The following PAPSS1 variants were observed in gnomAD, a reference collection of about 807,000 sequenced individuals.
PAPSS1 encodes the protein bifunctional 3'-phosphoadenosine 5'-phosphosulfate synthase 1.
In PAPSS1, 50 loss-of-function variants were observed where a neutral mutation model predicts 72.0. That is an observed-to-expected ratio of 0.69 (90% CI 0.55 to 0.88). The LOEUF (loss-of-function observed/expected upper bound fraction) is 0.88. Ranked by LOEUF, PAPSS1 falls within the 40% of genes least tolerant of loss-of-function variation. PAPSS1 has a pLI of 0.00. For synonymous variants in PAPSS1, 261 were observed against 263.6 expected (o/e 0.99, Z 0.09); for missense variants, 657 against 782.2 (o/e 0.84, Z 1.91).
At chr4:107,700,446 T>C (rs1319776024) in intron 2 of PAPSS1, among the ~76,000 whole-genome samples, 1 of 152,236 alleles carries the variant, frequency 6.6e-6, no homozygotes, top group African/African-American at 2.4e-5. Context: ...TCAAAGGCCA[T>C]AGCAAAAGCT....
chr4:107,623,261 C>A (rs2110297249), intron 11 of PAPSS1, among the ~76,000 whole-genome samples: 1 of 150,348 alleles, frequency 6.7e-6, no homozygotes, highest in East Asian at 1.9e-4. Context: ...TGCAGGTCTG[C>A]TTCTGCTGAC....
chr4:107,656,543 G>A (rs1178089167), intron 7 of PAPSS1, among the ~76,000 whole-genome samples: 2 of 152,200 alleles, frequency 1.3e-5, no homozygotes, highest in African/African-American at 4.8e-5. Flanking sequence ...CTCAAGCATG[G>A]GCTTCAGTAC....
At chr4:107,625,790 C>T (rs957568285) in intron 11 of PAPSS1, among the ~76,000 whole-genome samples, 2 of 152,146 alleles carry the variant, frequency 1.3e-5, no homozygotes, top group Admixed American at 6.5e-5. Context: ...ACCACAGGAA[C>T]GGATGACCTC....
Position 107,617,021 on chromosome 4 carries a change from T to C in PAPSS1, c.1737-2634A>G, listed in dbSNP as rs148704688. 1.8e-4 allele frequency among the ~76,000 whole-genome samples: 27 copies of C among 152,234 alleles called. No individual in the cohort carries two copies. In the Middle Eastern group the frequency reaches 0.017, roughly 96 times the overall value. ...TTTCCACCATCTTCCTTATCACAGT[T>C]CACTGAGTCTAGCTATGAGCTTGTG... On this transcript the variant is annotated intron_variant, in intron 11 of 11. Coordinates refer to ENST00000265174, the MANE Select transcript of PAPSS1 (RefSeq NM_005443.5).
At position 107,636,521 on chromosome 4, in the gene PAPSS1, C is replaced by T. The variant is rs6847400; in HGVS notation, c.1507-4661G>A. Among the ~76,000 whole-genome samples the T allele has an allele frequency of 9.4e-3, 1,429 of 152,032 alleles. 26 individuals carry two copies. Among genetic ancestry groups the T allele is most frequent in the African/African-American group, 0.031 (1,289 of 41,432 alleles). ...GCAGAAGCGTGCAACTCAAGGAAGA[C>T]GAGGAATGAGAGTGATGGGAAGTAT... On this transcript the variant is annotated intron_variant, in intron 10 of 11. Transcript: ENST00000265174.
At chr4:107,717,027 C>G (rs1010194104) in intron 1 of PAPSS1, among the ~76,000 whole-genome samples, 1 of 151,882 alleles carries the variant, frequency 6.6e-6, no homozygotes, top group African/African-American at 2.4e-5. Flanking sequence ...ATGTTATCCA[C>G]ATGTCCCTAC....
intron 10 of PAPSS1, among the ~76,000 whole-genome samples, chr4:107,635,115 T>C (rs1428159137): frequency 6.6e-6 from 1 of 152,198 alleles, no homozygotes; most frequent in African/African-American, 2.4e-5. Context: ...GACATATTTT[T>C]AAAGTTTTTT....
chr4:107,634,797 A>ATTTTTTTTTTTTTTT (rs3083966), intron 10 of PAPSS1, among the ~76,000 whole-genome samples: 1 of 116,010 alleles, frequency 8.6e-6, no homozygotes, highest in African/African-American at 3.6e-5. Context: ...TATTCTAGAC[A>ATTTTTTTTTTTTTTT]TTTTTTTTTT....
intron 2 of PAPSS1, among the ~76,000 whole-genome samples, chr4:107,698,984 C>A (rs1411559483): frequency 6.6e-6 from 1 of 151,858 alleles, no homozygotes; most frequent in Non-Finnish European, 1.5e-5. Flanking sequence ...CCATCCCGTC[C>A]CAATTGAGGA....
intron 3 of PAPSS1, among the ~76,000 whole-genome samples, chr4:107,689,789 T>C (rs1012957277): frequency 4.6e-5 from 7 of 152,172 alleles, no homozygotes; most frequent in Admixed American, 6.5e-5. Context: ...GGCCCAGTGG[T>C]AATCTCCACT....
chr4:107,678,179 C>T (rs977815652), intron 5 of PAPSS1, among the ~76,000 whole-genome samples: 1 of 147,554 alleles, frequency 6.8e-6, no homozygotes, highest in Non-Finnish European at 1.5e-5. Context: ...TAAAACTTAA[C>T]GTATAAAAAA....
At position 107,656,937 on chromosome 4, in the gene PAPSS1, C is replaced by G; in HGVS notation, c.854G>C (p.Arg285Thr). Residue 285 changes from arginine to threonine, a missense_variant, in exon 7 of 12, where the codon AGG (arginine) becomes ACG (threonine). Arg to Thr is a moderately conservative substitution (Grantham distance 71). Around this residue, in one of 7 missense-constraint regions of PAPSS1, gnomAD observed 190 missense variants for 176.7 expected, o/e 1.07. Coordinates refer to ENST00000265174, the MANE Select transcript of PAPSS1 (RefSeq NM_005443.5). ...ATPLNGFMRE[R>T]EYLQCLHFDC... ...AAAATGAAGGCACTGCAAGTACTCC[C>G]TCTCTCTCATAAAGCCATTCAATGG... is the stretch of plus-strand genomic sequence containing the variant. The G allele has an allele frequency of 1.9e-6, 3 of 1,613,292 alleles. No homozygotes were observed. The highest frequency in any genetic ancestry group is 2.5e-6 in the Non-Finnish European group (3 of 1,179,328).
At chr4:107,679,771 C>G (rs555155853) in intron 5 of PAPSS1, among the ~76,000 whole-genome samples, 2 of 151,854 alleles carry the variant, frequency 1.3e-5, no homozygotes, top group East Asian at 3.9e-4. Context: ...TTCCACCCCC[C>G]CAGATTCAAG....
At chr4:107,695,347 T>C (rs998728671) in intron 2 of PAPSS1, among the ~76,000 whole-genome samples, 1 of 152,212 alleles carries the variant, frequency 6.6e-6, no homozygotes, top group African/African-American at 2.4e-5. Flanking sequence ...TTTTGTATCC[T>C]GAGACTTTGC....
intron 3 of PAPSS1, among the ~76,000 whole-genome samples, chr4:107,690,351 A>G (rs956116424): frequency 2.0e-5 from 3 of 152,158 alleles, no homozygotes; most frequent in Non-Finnish European, 4.4e-5. Context: ...CATTCCATTG[A>G]GCATACTATA....
At position 107,682,273 on chromosome 4, in the gene PAPSS1, T is replaced by C. The variant is rs1722642131; in HGVS notation, c.551-140A>G. ...CAGGGCTATAGTAATGAAGCATCTTTCTTGGGAGATTTCTAATTAAACTTT... is the reference window on the plus strand; with the variant it reads ...CAGGGCTATAGTAATGAAGCATCTTCCTTGGGAGATTTCTAATTAAACTTT... On this transcript the variant is annotated intron_variant, in intron 4 of 11. Transcript: ENST00000265174. 1.9e-5 allele frequency: 8 copies of C among 412,242 alleles called. No homozygotes were observed. The East Asian group carries it at 2.8e-4, about 15-fold the overall frequency. The allele number at this position is 412,242 out of a possible 1,614,324, so 25.5% of individuals were successfully genotyped here.
chr4:107,681,953 G>A (rs1012520263), intron 5 of PAPSS1, 62 bp downstream of exon 5: 5 of 810,288 alleles, frequency 6.2e-6, no homozygotes, highest in South Asian at 1.6e-5. Context: ...TTTTTTGGAG[G>A]GGAAAGATTA....
chr4:107,719,304 T>C (rs1723715801), intron 1 of PAPSS1, among the ~76,000 whole-genome samples: 1 of 152,082 alleles, frequency 6.6e-6, no homozygotes, highest in African/African-American at 2.4e-5. Flanking sequence ...AACCAGTGCC[T>C]TTCCAGACTC....
At chr4:107,683,896 A>C (rs1722701237) in intron 4 of PAPSS1, among the ~76,000 whole-genome samples, 1 of 152,122 alleles carries the variant, frequency 6.6e-6, no homozygotes, top group Non-Finnish European at 1.5e-5. Flanking sequence ...AGCTTTTTAA[A>C]AAAATAAGCA....
Sources: gnomAD v4.1 joint callset for allele counts (sites outside exome capture counted in the v4.1 genomes callset) on GRCh38, gnomAD v4.1.1 for gene constraint, gnomAD v4.1.1 regional missense constraint, MANE v1.5 for transcripts, NCBI Gene and HGNC (gene_info 2026-07-23, HGNC 2026-07-21) for gene names.